The following MFN2 variants were observed in gnomAD, a reference collection of about 807,000 sequenced individuals.
MFN2 encodes the protein mitofusin 2.
A neutral mutation model predicts 87.5 loss-of-function variants in MFN2; 43 were observed. The observed-to-expected ratio is 0.49, with a 90% CI of 0.38 to 0.63. The LOEUF is 0.63. Among genes scored for constraint, MFN2 ranks in the 30% least tolerant of loss-of-function variants. The probability of loss-of-function intolerance (pLI) is 0.00; values close to 1 mark genes in which losing one functional copy is unlikely to be tolerated. For missense variants in MFN2, 743 were observed against 972.8 expected, an observed-to-expected ratio of 0.76 and a Z score of 3.14; for synonymous variants, 337 against 359.9, an observed-to-expected ratio of 0.94 and a Z score of 0.72.
rs536324828 is a variant in MFN2, at chr1:11,997,918, C to T, written c.599+497C>T. On this transcript the variant is annotated intron_variant, in intron 6 of 18. Coordinates refer to ENST00000235329, the MANE Select transcript of MFN2 (RefSeq NM_014874.4). ...TTTTTTTTTGAGACAGAGTCTTGCT[C>T]TGTCACCCAGGCTGGAGTGCAGTGG... 2.3e-3 allele frequency among the ~76,000 whole-genome samples: 266 copies of T among 114,376 alleles called. 2 individuals are homozygous for T. The highest frequency in any genetic ancestry group is 9.8e-3 in the Middle Eastern group (1 of 102). 75.0% of individuals were successfully genotyped at this position (114,376 alleles called of 152,430 possible). A position where few individuals can be genotyped will look rare whatever the true frequency, so the allele number is the denominator to read the frequency against.
chr1:12,009,768 G>A (rs554130769), intron 18 of MFN2, 42 bp downstream of exon 18: 1 of 1,613,470 alleles, frequency 6.2e-7, no homozygotes, highest in African/African-American at 1.3e-5. Context: ...GCTCCAGGGT[G>A]CAGCCCAGGC....
At chr1:12,001,723 T>G (rs763118610) in intron 9 of MFN2, 46 bp from the exon 10 acceptor site, 6 of 1,611,496 alleles carry the variant, frequency 3.7e-6, no homozygotes, top group Non-Finnish European at 5.1e-6. Context: ...ATCGTTTTCC[T>G]CTGCTGCCAA....
chr1:12,001,530 A>G lies in MFN2; in HGVS notation c.946A>G (p.Lys316Glu), dbSNP rs1424551887. 5 of 1,614,100 alleles carry G rather than the reference A, an allele frequency of 3.1e-6. No homozygotes were observed. In the Admixed American group the frequency reaches 8.3e-5, roughly 27 times the overall value. ...AKEVLNARIQ[K>E]AQGMPEGGGA... ...GGAGGTGCTCAACGCCAGGATTCAGAAAGCCCAGGGCATGCCTGAAGGAGG... is the reference window on the plus strand; with the variant it reads ...GGAGGTGCTCAACGCCAGGATTCAGGAAGCCCAGGGCATGCCTGAAGGAGG... Residue 316 changes from lysine to glutamate, a missense_variant, in exon 9 of 19, where the codon AAA becomes GAA. This residue lies in a region of MFN2 where 571 missense variants were observed against 670.7 expected (regional missense o/e 0.85). Coordinates refer to ENST00000235329, the MANE Select transcript of MFN2 (RefSeq NM_014874.4).
intron 17 of MFN2, 127 bp downstream of exon 17, chr1:12,007,376 C>T (rs752809406): frequency 1.4e-4 from 172 of 1,216,852 alleles, no homozygotes; most frequent in Non-Finnish European, 1.9e-4. Flanking sequence ...GACCCTGGGC[C>T]TTCAGGTGTG....
In MFN2 at chr1:11,990,228, C is replaced by T. The variant is rs531631770; in HGVS notation, c.175+885C>T. ...TTGTTTTACATGCCAGGCTGCTACA[C>T]GAGGCTCCCTTTGAAGAAAGAGACT... On this transcript the variant is annotated intron_variant, in intron 3 of 18. Transcript: ENST00000235329. Among the ~76,000 whole-genome samples, 5 of 152,338 alleles carry T rather than the reference C, an allele frequency of 3.3e-5. No individual in the cohort carries two copies. The South Asian group carries it at 6.2e-4, about 19-fold the overall frequency.
Position 11,997,381 on chromosome 1 carries a change from A to C in MFN2, c.559A>C (p.Lys187Gln). The C allele has an allele frequency of 6.2e-7, 1 of 1,614,138 alleles. No homozygotes were observed. The highest frequency in any genetic ancestry group is 8.5e-7 in the Non-Finnish European group (1 of 1,179,998). Residue 187 changes from lysine (K) to glutamine (Q), a missense_variant, in exon 6 of 19, where the codon AAG becomes CAG. Lys to Gln is a moderately conservative substitution (Grantham distance 53). This residue lies in a region of MFN2 where 141 missense variants were observed against 278.9 expected (regional missense o/e 0.51). Transcript: ENST00000235329. ...AGTGAGTGTGATGTGGCCCAACTCT[A>C]AGTGCCCACTTCTGAAGGATGACCT... The part of the protein sequence containing the change: ...SLVSVMWPNS[K>Q]CPLLKDDLVL...
intron 1 of MFN2, among the ~76,000 whole-genome samples, 170 bp downstream of exon 1, chr1:11,980,654 G>A (rs975223987): frequency 6.6e-6 from 1 of 152,216 alleles, no homozygotes; most frequent in East Asian, 1.9e-4. Context: ...GGCCCTGAGA[G>A]GAGGGGGCGG....
chr1:11,992,809 T>C (rs1402453853), intron 4 of MFN2, 119 bp downstream of exon 4: 1 of 1,228,718 alleles, frequency 8.1e-7, no homozygotes, highest in African/African-American at 1.5e-5. Flanking sequence ...TGCTTTCCTC[T>C]TAATTTATAT....
At position 11,999,103 on chromosome 1, in the gene MFN2, C is replaced by T. The variant is rs776404110; in HGVS notation, c.816+8C>T. Reference sequence around the variant, plus strand: ...CCCGAGTACATGGAGGAGGTTCGTGCTTCTGTTTGGCAGTTTGGGGAATGC... The same window carrying T: ...CCCGAGTACATGGAGGAGGTTCGTGTTTCTGTTTGGCAGTTTGGGGAATGC... On this transcript the variant is annotated splice_region_variant and intron_variant, in intron 8 of 18. Transcript: ENST00000235329. The T allele has an allele frequency of 1.2e-6, 2 of 1,613,496 alleles. No individual in the cohort carries two copies. The highest frequency in any genetic ancestry group is 1.7e-6 in the Non-Finnish European group (2 of 1,179,392).
intron 8 of MFN2, among the ~76,000 whole-genome samples, chr1:11,999,979 C>T (rs943827713): frequency 6.6e-6 from 1 of 151,514 alleles, no homozygotes; most frequent in African/African-American, 2.4e-5. Context: ...CGCCTGTAGT[C>T]CCAGCTACGC....
chr1:11,983,282 AG>A (rs1368769590), intron 2 of MFN2, among the ~76,000 whole-genome samples: 2 of 152,214 alleles, frequency 1.3e-5, no homozygotes, highest in East Asian at 3.9e-4. Flanking sequence ...CGTGTTAGCC[AG>A]GATGGTCTCG....
At position 12,013,268 on chromosome 1, in the gene MFN2, G is replaced by T. The variant is rs1557541605; in HGVS notation, c.*1703G>T. ...CCCTGGGGAATGAATGAAATTTTGA[G>T]CTTCTTCAATACGTAAAATTAAATT... On this transcript the variant is annotated 3_prime_UTR_variant, in exon 19 of 19. Coordinates refer to ENST00000235329, the MANE Select transcript of MFN2 (RefSeq NM_014874.4). The T allele has an allele frequency of 7.3e-6, 3 of 410,558 alleles. No individual in the cohort carries two copies. The highest frequency in any genetic ancestry group is 3.6e-5 in the South Asian group (2 of 56,276). The allele number at this position is 410,558 out of a possible 1,614,324, so 25.4% of individuals were successfully genotyped here. A position where few individuals can be genotyped will look rare whatever the true frequency, so the allele number is the denominator to read the frequency against.
intron 1 of MFN2, among the ~76,000 whole-genome samples, chr1:11,981,426 C>T (rs1387717335): frequency 6.6e-6 from 1 of 152,202 alleles, no homozygotes; most frequent in African/African-American, 2.4e-5. Flanking sequence ...TCGCTTGAAC[C>T]CGGGAGGCGG....
intron 17 of MFN2, among the ~76,000 whole-genome samples, chr1:12,008,739 G>A (rs913667695): frequency 2.0e-5 from 3 of 152,010 alleles, no homozygotes; most frequent in African/African-American, 7.2e-5. Context: ...CAGCCGGGCA[G>A]AGGGGCTCCT....
chr1:11,980,539 G>A (rs763617938), intron 1 of MFN2, 55 bp downstream of exon 1: 2 of 397,986 alleles, frequency 5.0e-6, no homozygotes, highest in South Asian at 2.6e-4. Context: ...GGCCCGGCGA[G>A]TCCTGAGCAG....
Position 12,001,798 on chromosome 1 carries a change from A to G in MFN2, c.1000A>G (p.Arg334Gly). 1 of 1,614,174 alleles carries G rather than the reference A, an allele frequency of 6.2e-7. No individual in the cohort carries two copies. Among genetic ancestry groups the G allele is most frequent in the Non-Finnish European group, 8.5e-7 (1 of 1,180,036 alleles). The change falls in exon 10 of 19, where the codon AGG (arginine) becomes GGG (glycine). Residue 334 changes from arginine to glycine, a missense_variant. Physicochemically the swap from Arg to Gly is moderately radical, Grantham distance 125. Transcript: ENST00000235329. ...GGALAEGFQVRMFEFQNFERR... is the reference protein window; with the variant it reads ...GGALAEGFQVGMFEFQNFERR... ...CGCTCTCGCAGAAGGCTTTCAAGTG[A>G]GGATGTTTGAGTTTCAGAATTTTGA...
At chr1:11,999,559 T>C (rs544864096) in intron 8 of MFN2, among the ~76,000 whole-genome samples, 2 of 152,088 alleles carry the variant, frequency 1.3e-5, no homozygotes, top group Non-Finnish European at 2.9e-5. Context: ...GGTTTTGTCA[T>C]GTTGCCCACG....
chr1:11,989,414 G>A (rs1638579090), intron 3 of MFN2, 71 bp downstream of exon 3: 12 of 1,553,322 alleles, frequency 7.7e-6, no homozygotes, highest in Non-Finnish European at 9.7e-6. Flanking sequence ...ATTTGCGGGT[G>A]GGGAGGTATA....
intron 3 of MFN2, 54 bp from the exon 4 acceptor site, chr1:11,992,501 G>C: frequency 1.2e-6 from 2 of 1,612,702 alleles, no homozygotes; most frequent in South Asian, 1.1e-5. Flanking sequence ...CCAGACTTGG[G>C]ACTGTGGAAC....
Sources: gnomAD v4.1 joint callset for allele counts (sites outside exome capture counted in the v4.1 genomes callset) on GRCh38, gnomAD v4.1.1 for gene constraint, gnomAD v4.1.1 regional missense constraint, MANE v1.5 for transcripts, NCBI Gene and HGNC (gene_info 2026-07-23, HGNC 2026-07-21) for gene names.